The following HERC3 variants were observed in gnomAD, a reference collection of about 807,000 sequenced individuals.
The protein encoded by HERC3 is HECT and RLD domain containing E3 ubiquitin protein ligase 3.
In HERC3, 58 loss-of-function variants were observed where a neutral mutation model predicts 129.9. That is an observed-to-expected ratio of 0.45 (90% confidence interval 0.36 to 0.56). The LOEUF is 0.56. HERC3 is among the 20% of genes least tolerant of loss of function. HERC3 has a pLI of 0.00. For missense variants in HERC3, 835 were observed against 1,244.2 expected (o/e 0.67, Z 4.95); for synonymous variants, 430 against 451.0 (o/e 0.95, Z 0.59).
the HERC3 span, among the ~76,000 whole-genome samples, chr4:88,586,118 ACT>A: frequency 2.0e-5 from 3 of 152,332 alleles, no homozygotes; most frequent in South Asian, 2.1e-4. Context: ...AGATATATTC[ACT>A]GTGTTTAGCT....
intron 12 of HERC3, among the ~76,000 whole-genome samples, chr4:88,664,841 C>T (rs1442630455): frequency 6.6e-6 from 1 of 152,148 alleles, no homozygotes; most frequent in Non-Finnish European, 1.5e-5. Flanking sequence ...TCCAGCCCAG[C>T]TCACCAGAGA....
chr4:88,676,034 T>C (rs1375587451), intron 16 of HERC3, among the ~76,000 whole-genome samples, 184 bp from the exon 17 acceptor site: 1 of 152,254 alleles, frequency 6.6e-6, no homozygotes, highest in Admixed American at 6.5e-5. Context: ...TTTGCTCTTT[T>C]TCTCATTCTG....
At chr4:88,578,751 A>G in the HERC3 span, among the ~76,000 whole-genome samples, 1 of 152,172 alleles carries the variant, frequency 6.6e-6, no homozygotes, top group African/African-American at 2.4e-5. Flanking sequence ...TCATAATCCT[A>G]TAATTAGGGC....
the HERC3 span, among the ~76,000 whole-genome samples, chr4:88,545,632 C>T: frequency 0.015 from 2,249 of 151,964 alleles, 138 homozygotes; most frequent in Admixed American, 0.11. Flanking sequence ...CGCTATGTTG[C>T]TCAGGCTGGT....
At chr4:88,571,471 C>A in the HERC3 span, among the ~76,000 whole-genome samples, 1 of 152,238 alleles carries the variant, frequency 6.6e-6, no homozygotes, top group African/African-American at 2.4e-5. Context: ...AAAATATATT[C>A]AAAGGTTTCT....
intron 23 of HERC3, among the ~76,000 whole-genome samples, chr4:88,701,167 A>G (rs1735283457): frequency 6.6e-6 from 1 of 152,226 alleles, no homozygotes; most frequent in Admixed American, 6.5e-5. Flanking sequence ...GTTTCAGAGA[A>G]GTGAGGTGTT....
the HERC3 span, chr4:88,527,648 TC>T: frequency 7.2e-6 from 2 of 279,122 alleles, no homozygotes; most frequent in South Asian, 4.3e-5. Flanking sequence ...TTCCATAAGC[TC>T]CCCTCCCTCA....
At chr4:88,553,954 T>C in the HERC3 span, among the ~76,000 whole-genome samples, 1 of 152,200 alleles carries the variant, frequency 6.6e-6, no homozygotes, top group Admixed American at 6.6e-5. Flanking sequence ...AAGGGGGTAA[T>C]AACAAAATTG....
At chr4:88,532,495 T>C in the HERC3 span, among the ~76,000 whole-genome samples, 22 of 152,216 alleles carry the variant, frequency 1.4e-4, no homozygotes, top group East Asian at 3.9e-4. Flanking sequence ...CAGGCTCTCA[T>C]AGGATTGGAT....
the HERC3 span, among the ~76,000 whole-genome samples, chr4:88,543,424 G>A: frequency 4.6e-5 from 7 of 152,232 alleles, no homozygotes; most frequent in East Asian, 1.9e-4. Flanking sequence ...ACTGCTCAAC[G>A]AAATAAAAGA....
the HERC3 span, among the ~76,000 whole-genome samples, chr4:88,544,524 A>T: frequency 1.3e-5 from 2 of 152,214 alleles, no homozygotes; most frequent in Admixed American, 6.5e-5. Context: ...TTCCTCAAGG[A>T]TCTAGAAGTA....
At chr4:88,624,901 G>T (rs1227604593) in intron 3 of HERC3, among the ~76,000 whole-genome samples, 1 of 152,020 alleles carries the variant, frequency 6.6e-6, no homozygotes, top group Admixed American at 6.6e-5. Flanking sequence ...AATGGTCAAG[G>T]TTCGTTTTTT....
chr4:88,636,085 A>G (rs6819737), intron 3 of HERC3, among the ~76,000 whole-genome samples: 8,199 of 152,298 alleles, frequency 0.054, 487 homozygotes, highest in African/African-American at 0.15. Context: ...AAGAAACGGC[A>G]TCAATTACCA....
chr4:88,622,598 A>G (rs1560686507), intron 3 of HERC3, among the ~76,000 whole-genome samples: 1 of 152,194 alleles, frequency 6.6e-6, no homozygotes. Flanking sequence ...TTAAATTCTC[A>G]CAAGAAGTGT....
intron 3 of HERC3, among the ~76,000 whole-genome samples, chr4:88,612,745 T>A (rs898406619): frequency 1.3e-5 from 2 of 152,234 alleles, no homozygotes; most frequent in Admixed American, 1.3e-4. Context: ...TATAATTTTC[T>A]AAGACATAAA....
intron 7 of HERC3, among the ~76,000 whole-genome samples, chr4:88,654,712 A>G (rs1729697726): frequency 6.6e-6 from 1 of 151,938 alleles, no homozygotes; most frequent in African/African-American, 2.4e-5. Flanking sequence ...GTATTTTTAT[A>G]TTGAACAAAT....
chr4:88,601,553 GTAT>G (rs1388288382), intron 2 of HERC3, among the ~76,000 whole-genome samples: 7 of 152,136 alleles, frequency 4.6e-5, no homozygotes, highest in Non-Finnish European at 7.4e-5. Context: ...TGTTCGCCTA[GTAT>G]TATAATTCAA....
chr4:88,687,593 A>G (rs1733616729), intron 23 of HERC3, among the ~76,000 whole-genome samples: 1 of 152,162 alleles, frequency 6.6e-6, no homozygotes, highest in African/African-American at 2.4e-5. Flanking sequence ...GGGGATTATA[A>G]TCACTGTGCT....
chr4:88,705,892 T>C (rs1377259681), intron 25 of HERC3, among the ~76,000 whole-genome samples: 1 of 152,038 alleles, frequency 6.6e-6, no homozygotes, highest in Non-Finnish European at 1.5e-5. Flanking sequence ...ACAAGAATTC[T>C]TAAAAAGAGG....
Sources: gnomAD v4.1 joint callset for allele counts (sites outside exome capture counted in the v4.1 genomes callset) on GRCh38, gnomAD v4.1.1 for gene constraint, MANE v1.5 for transcripts, NCBI Gene and HGNC (gene_info 2026-07-23, HGNC 2026-07-21) for gene names.